The following PPARG variants were observed in gnomAD, a reference collection of about 807,000 sequenced individuals.
PPARG encodes the protein peroxisome proliferator activated receptor gamma, also known as peroxisome proliferator-activated receptor gamma.
A neutral mutation model predicts 39.2 loss-of-function variants in PPARG; 17 were observed. The ratio of observed to expected loss-of-function variants is 0.43; its 90% CI spans 0.30 to 0.65. The LOEUF (loss-of-function observed/expected upper bound fraction) is 0.65, where lower values mean the gene tolerates loss of function less well. PPARG is among the 30% of genes least tolerant of loss of function. The probability of loss-of-function intolerance (pLI) is 0.13; values close to 1 mark genes in which losing one functional copy is unlikely to be tolerated. For missense variants in PPARG, 406 were observed against 585.9 expected (o/e 0.69, Z 3.17); for synonymous variants, 223 against 215.7 (o/e 1.03, Z -0.30).
chr3:12,327,752 C>G (rs2047735126), intron 2 of PPARG, among the ~76,000 whole-genome samples: 1 of 152,020 alleles, frequency 6.6e-6, no homozygotes. Context: ...ATATTCAGAT[C>G]ACAAAAAAGG....
At chr3:12,360,988 T>G (rs1446097778) in intron 2 of PPARG, among the ~76,000 whole-genome samples, 1 of 152,166 alleles carries the variant, frequency 6.6e-6, no homozygotes, top group Non-Finnish European at 1.5e-5. Flanking sequence ...TGCCAACAGT[T>G]CTGAACAGGA....
intron 7 of PPARG, among the ~76,000 whole-genome samples, chr3:12,425,201 GC>G (rs2051396651): frequency 6.6e-6 from 1 of 152,210 alleles, no homozygotes; most frequent in African/African-American, 2.4e-5. Context: ...ACGTCCTGTG[GC>G]CCCCGAAGGA....
intron 6 of PPARG, among the ~76,000 whole-genome samples, chr3:12,407,210 G>A (rs2050703091): frequency 6.6e-6 from 1 of 152,218 alleles, no homozygotes; most frequent in African/African-American, 2.4e-5. Context: ...TGCCAGGCTG[G>A]AATGCAGTGG....
upstream of PPARG, chr3:12,287,744 G>A (rs1436179967): frequency 6.7e-6 from 1 of 150,104 alleles, no homozygotes; most frequent in Admixed American, 6.6e-5. Context: ...CCTACTGTGC[G>A]CGGGCGGCGG....
intron 2 of PPARG, chr3:12,327,942 T>A: frequency 1.5e-6 from 1 of 681,418 alleles, no homozygotes; most frequent in Non-Finnish European, 2.6e-6. Context: ...TTACAAAATG[T>A]GTGTATGGAA....
intron 2 of PPARG, among the ~76,000 whole-genome samples, chr3:12,325,829 A>C (rs1003894927): frequency 6.6e-6 from 1 of 152,184 alleles, no homozygotes; most frequent in South Asian, 2.1e-4. Flanking sequence ...AAACTTGTGA[A>C]TTGACTGACA....
intron 4 of PPARG, among the ~76,000 whole-genome samples, chr3:12,382,652 A>G (rs1179665099): frequency 6.6e-6 from 1 of 152,160 alleles, no homozygotes; most frequent in Admixed American, 6.6e-5. Context: ...ATTTAACCAC[A>G]TCCTACCCAG....
At chr3:12,377,455 C>T (rs2049457199) in intron 2 of PPARG, among the ~76,000 whole-genome samples, 1 of 152,098 alleles carries the variant, frequency 6.6e-6, no homozygotes, top group South Asian at 2.1e-4. Context: ...GGTGTATCCA[C>T]AGAAAAGATT....
intron 1 of PPARG, among the ~76,000 whole-genome samples, chr3:12,302,300 C>G (rs1011168963): frequency 1.3e-5 from 2 of 152,032 alleles, no homozygotes; most frequent in African/African-American, 4.8e-5. Flanking sequence ...CAAAATATCC[C>G]GAGTAGGTAC....
At chr3:12,408,379 CTCAT>C (rs2050748346) in intron 6 of PPARG, among the ~76,000 whole-genome samples, 2 of 152,068 alleles carry the variant, frequency 1.3e-5, no homozygotes, top group South Asian at 4.1e-4. Context: ...GTTTATAAAG[CTCAT>C]TCGTTCAATG....
intron 2 of PPARG, among the ~76,000 whole-genome samples, chr3:12,364,664 A>G (rs532260620): frequency 1.3e-5 from 2 of 152,346 alleles, no homozygotes; most frequent in African/African-American, 4.8e-5. Context: ...TTCATCAGCA[A>G]CGAATGAGAG....
chr3:12,381,683 T>C (rs763367434), intron 4 of PPARG, among the ~76,000 whole-genome samples, 192 bp downstream of exon 4: 5 of 152,092 alleles, frequency 3.3e-5, no homozygotes, highest in Non-Finnish European at 7.4e-5. Context: ...GCTCAAGTGA[T>C]CCTCCCACCT....
At chr3:12,397,106 A>C (rs2050290074) in intron 5 of PPARG, among the ~76,000 whole-genome samples, 1 of 152,036 alleles carries the variant, frequency 6.6e-6, no homozygotes, top group Non-Finnish European at 1.5e-5. Flanking sequence ...CATAAATTTA[A>C]AAACTATTGA....
chr3:12,384,168 A>G (rs2049787320), intron 4 of PPARG, among the ~76,000 whole-genome samples: 1 of 152,132 alleles, frequency 6.6e-6, no homozygotes, highest in South Asian at 2.1e-4. Flanking sequence ...GGAAAATTTA[A>G]ACATTTAGTA....
At position 12,406,532 on chromosome 3, in the gene PPARG, C is replaced by CTTTTTTTTTTTTTTTTTTTTTTTT. The variant is rs10540594; in HGVS notation, c.729+453_729+476dup. Reference sequence around the variant, plus strand: ...TTCAGGAGAACTACCAGAGTTACCTCTTTTTTTTTTTTTTTTTTTTTTTTT... The same window carrying CTTTTTTTTTTTTTTTTTTTTTTTT: ...TTCAGGAGAACTACCAGAGTTACCTCTTTTTTTTTTTTTTTTTTTTTTTTTTTTTTTTTTTTTTTTTTTTTTTTT... On this transcript the variant is annotated intron_variant, in intron 6 of 7. Coordinates refer to ENST00000651735, the MANE Select transcript of PPARG (RefSeq NM_138711.6). 75 of 60,490 alleles carry CTTTTTTTTTTTTTTTTTTTTTTTT rather than the reference C, an allele frequency of 1.2e-3. 6 individuals are homozygous for CTTTTTTTTTTTTTTTTTTTTTTTT. Among genetic ancestry groups the CTTTTTTTTTTTTTTTTTTTTTTTT allele is most frequent in the Non-Finnish European group, 1.7e-3 (52 of 30,642 alleles). 3.7% of individuals were successfully genotyped at this position (60,490 alleles called of 1,614,324 possible).
At chr3:12,428,192 C>T (rs182527850) in intron 7 of PPARG, among the ~76,000 whole-genome samples, 3 of 152,324 alleles carry the variant, frequency 2.0e-5, no homozygotes, top group African/African-American at 4.8e-5. Context: ...CAGATAAACC[C>T]TCCACTTAAC....
intron 2 of PPARG, among the ~76,000 whole-genome samples, chr3:12,339,061 ATGTGC>A (rs1480398693): frequency 2.0e-5 from 3 of 152,196 alleles, no homozygotes; most frequent in African/African-American, 7.2e-5. Context: ...GATAGACAAA[ATGTGC>A]TGTATCAATA....
Position 12,351,104 on chromosome 3 carries a change from G to A in PPARG, c.-8-28600G>A, listed in dbSNP as rs532419265. On this transcript the variant is annotated intron_variant, in intron 2 of 7. Transcript: ENST00000651735. ...AGAGATTCAACCAGGAATAGACACC[G>A]AAAGAAAACTTTGCCCAAATAAGCT... Among the ~76,000 whole-genome samples, 8 of 152,238 alleles carry A rather than the reference G, an allele frequency of 5.3e-5. No homozygotes were observed. In the East Asian group the frequency reaches 1.2e-3, roughly 22 times the overall value.
chr3:12,413,802 G>A (rs1359952460), intron 6 of PPARG, among the ~76,000 whole-genome samples: 1 of 133,680 alleles, frequency 7.5e-6, no homozygotes, highest in Non-Finnish European at 1.5e-5. Context: ...GGCAACAGGA[G>A]CAAAACTCCA....
Sources: gnomAD v4.1 joint callset for allele counts (sites outside exome capture counted in the v4.1 genomes callset) on GRCh38, gnomAD v4.1.1 for gene constraint, MANE v1.5 for transcripts, NCBI Gene and HGNC (gene_info 2026-07-23, HGNC 2026-07-21) for gene names.